Variants in DDX55 observed in about 807,000 individuals in gnomAD.
The protein encoded by DDX55 is ATP-dependent RNA helicase DDX55.
In DDX55, 56 loss-of-function variants were observed where a neutral mutation model predicts 69.2. That is an observed-to-expected ratio of 0.81 (90% confidence interval 0.65 to 1.01). The LOEUF (loss-of-function observed/expected upper bound fraction) is 1.01. Ranked by LOEUF, DDX55 falls within the 50% of genes least tolerant of loss-of-function variation. DDX55 has a pLI of 0.00. For synonymous variants in DDX55, 268 were observed against 273.1 expected (o/e 0.98, Z 0.18); for missense variants, 720 against 745.1 (o/e 0.97, Z 0.39).
intron 11 of DDX55, 124 bp downstream of exon 11, chr12:123,617,996 A>G: frequency 1.3e-6 from 1 of 770,166 alleles, no homozygotes; most frequent in Non-Finnish European, 2.1e-6. Flanking sequence ...TGGTGGTGGC[A>G]GTGGGGGGCC....
At chr12:123,616,881 C>T (rs1233103220) in intron 10 of DDX55, 10 of 357,794 alleles carry the variant, frequency 2.8e-5, no homozygotes, top group East Asian at 2.1e-4. Flanking sequence ...AGGCTGGGCG[C>T]GGTGGCTCAC....
chr12:123,605,787 C>T (rs1258267011), intron 1 of DDX55, 144 bp from the exon 2 acceptor site: 1 of 1,090,022 alleles, frequency 9.2e-7, no homozygotes, highest in Non-Finnish European at 1.4e-6. Context: ...GATTCAACTT[C>T]TCTATGGTGA....
rs555705518 is a variant in DDX55, at chr12:123,602,196, G to A, written c.48G>A (p.Leu16=). 6.4e-6 allele frequency: 10 copies of A among 1,572,438 alleles called. No homozygotes were observed. The highest frequency in any genetic ancestry group is 6.9e-6 in the Non-Finnish European group (8 of 1,161,078). The part of the protein sequence containing the change: ...EGSWESLPVP[L]HPQVLGALRE... ...CCTGGGAGTCGCTGCCTGTGCCGCT[G>A]CACCCGCAGGTGCTGGGCGCGCTGC... is the stretch of plus-strand genomic sequence containing the variant. The change falls in exon 1 of 14, where the codon CTG becomes CTA. Residue 16 remains leucine (L), a synonymous_variant. Transcript: ENST00000238146.
intron 1 of DDX55, among the ~76,000 whole-genome samples, chr12:123,603,580 C>G (rs765380399): frequency 6.6e-6 from 1 of 151,640 alleles, no homozygotes; most frequent in African/African-American, 2.4e-5. Flanking sequence ...TTAGTAGATA[C>G]GGGGTTTCAC....
chr12:123,618,667 A>C lies in DDX55; in HGVS notation c.1165-2A>C. 1 of 1,612,784 alleles carries C rather than the reference A, an allele frequency of 6.2e-7. No homozygotes were observed. The highest frequency in any genetic ancestry group is 8.5e-7 in the Non-Finnish European group (1 of 1,179,356). ...GAGAATGTGGTATGTGTGTGTGTGT[A>C]GTGCCCCCTGCAGGAGATGAAGCCC... On this transcript the variant is annotated splice_acceptor_variant, in intron 11 of 13. Transcript: ENST00000238146. LOFTEE classifies it high-confidence loss of function.
chr12:123,617,729 G>T (rs756958032), intron 10 of DDX55, 29 bp from the exon 11 acceptor site: 1 of 1,585,956 alleles, frequency 6.3e-7, no homozygotes, highest in Non-Finnish European at 8.6e-7. Context: ...CATCACCTGG[G>T]TACCCATTTC....
At chr12:123,605,770 C>CA in intron 1 of DDX55, 161 bp from the exon 2 acceptor site, 1 of 934,092 alleles carries the variant, frequency 1.1e-6, no homozygotes. Context: ...ACACAGTTGC[C>CA]ACGTTTGATT....
chr12:123,610,896 T>G lies in DDX55; in HGVS notation c.741+768T>G, dbSNP rs11612921. Among the ~76,000 whole-genome samples the G allele has an allele frequency of 3.4e-5, 5 of 148,706 alleles. No homozygotes were observed. The East Asian group carries it at 7.9e-4, about 23-fold the overall frequency. The stretch of plus-strand genomic sequence containing the variant: ...TGAGCCACCGCGCCCGGCCGTTTTT[T>G]TTTGTTTGTTTTTTTTTGTTTTGAG... On this transcript the variant is annotated intron_variant, in intron 7 of 13. Coordinates refer to ENST00000238146, the MANE Select transcript of DDX55 (RefSeq NM_020936.3).
At chr12:123,603,676 A>C (rs1482296026) in intron 1 of DDX55, among the ~76,000 whole-genome samples, 5 of 151,074 alleles carry the variant, frequency 3.3e-5, no homozygotes, top group African/African-American at 1.2e-4. Context: ...AGGCTGAGCT[A>C]CCGCACCCGG....
intron 2 of DDX55, 30 bp downstream of exon 2, chr12:123,606,011 C>T: frequency 6.2e-7 from 1 of 1,613,854 alleles, no homozygotes; most frequent in Non-Finnish European, 8.5e-7. Flanking sequence ...GCAGCCTGTC[C>T]TCGTGTTCTC....
chr12:123,608,708 C>T lies in DDX55; in HGVS notation c.430C>T (p.Arg144Cys), dbSNP rs753131316. 43 of 1,613,830 alleles carry T rather than the reference C, an allele frequency of 2.7e-5. No individual in the cohort carries two copies. Among genetic ancestry groups the T allele is most frequent in the Admixed American group, 3.3e-5 (2 of 59,996 alleles). Residue 144 changes from arginine (R) to cysteine (C), a missense_variant, in exon 6 of 14, where the codon CGC becomes TGC. Coordinates refer to ENST00000238146, the MANE Select transcript of DDX55 (RefSeq NM_020936.3). Reference sequence around the variant, plus strand: ...GAACATCATTGTGGCCACTCCAGGCCGCTTGGAGGACATGTTCCGGAGGAA... The same window carrying T: ...GAACATCATTGTGGCCACTCCAGGCTGCTTGGAGGACATGTTCCGGAGGAA... ...GGNIIVATPG[R>C]LEDMFRRKAE...
At position 123,617,813 on chromosome 12, in the gene DDX55, C is replaced by T. The variant is rs750432828; in HGVS notation, c.1105C>T (p.Leu369=). 6.8e-6 allele frequency: 11 copies of T among 1,614,110 alleles called. No individual in the cohort carries two copies. The South Asian group carries it at 1.2e-4, about 18-fold the overall frequency. Residue 369 remains leucine, a synonymous_variant, in exon 11 of 14, where the codon CTG becomes TTG. Transcript: ENST00000238146. Reference sequence around the variant, plus strand: ...TCGCATTGGCCACGGGGGCAGCGCTCTGGTGTTCCTCCTGCCCATGGAAGA... The same window carrying T: ...TCGCATTGGCCACGGGGGCAGCGCTTTGGTGTTCCTCCTGCCCATGGAAGA... ...TARIGHGGSA[L]VFLLPMEESY...
In DDX55 at chr12:123,620,627, T is replaced by TATA. The variant is rs1250251932; in HGVS notation, c.*488_*489insTAA. ...ATATATATATATATATATATATATATAAGCTCTTTTTTCTGAGGCTATTTT... is the reference window on the plus strand; with the variant it reads ...ATATATATATATATATATATATATATATAAAGCTCTTTTTTCTGAGGCTATTTT... On this transcript the variant is annotated 3_prime_UTR_variant, in exon 14 of 14. Coordinates refer to ENST00000238146, the MANE Select transcript of DDX55 (RefSeq NM_020936.3). 3 of 99,808 alleles carry TATA rather than the reference T, an allele frequency of 3.0e-5. No homozygotes were observed. Among genetic ancestry groups the TATA allele is most frequent in the East Asian group, 2.7e-4 (1 of 3,644 alleles). 6.2% of individuals were successfully genotyped at this position (99,808 alleles called of 1,614,324 possible). A position where few individuals can be genotyped will look rare whatever the true frequency, so the allele number is the denominator to read the frequency against.
chr12:123,616,011 CAAAA>C (rs1353193530), intron 9 of DDX55, among the ~76,000 whole-genome samples: 4 of 151,928 alleles, frequency 2.6e-5, no homozygotes, highest in Non-Finnish European at 4.4e-5. Flanking sequence ...AACAAAAAAA[CAAAA>C]AACTGTCTGT....
At chr12:123,616,313 C>T (rs1407210819) in intron 9 of DDX55, among the ~76,000 whole-genome samples, 198 bp from the exon 10 acceptor site, 2 of 152,086 alleles carry the variant, frequency 1.3e-5, no homozygotes, top group African/African-American at 4.8e-5. Context: ...TGTCTCTCAC[C>T]TCCCTCCAAT....
chr12:123,612,254 C>G (rs1161014055), intron 7 of DDX55, among the ~76,000 whole-genome samples: 3 of 152,102 alleles, frequency 2.0e-5, no homozygotes, highest in Admixed American at 2.0e-4. Context: ...TCCTAAGGAC[C>G]TTGGATGAGG....
chr12:123,610,310 A>G (rs1374719840), intron 7 of DDX55, among the ~76,000 whole-genome samples, 182 bp downstream of exon 7: 2 of 152,208 alleles, frequency 1.3e-5, no homozygotes, highest in African/African-American at 4.8e-5. Flanking sequence ...TAAATTGGAC[A>G]TAAATGTATT....
rs1372645678 is a variant in DDX55 at position 123,607,454 on chromosome 12, C to T, written c.269C>T (p.Pro90Leu). ...TAGGTTGGAGCCATAATCATCACCC[C>T]CACTCGAGAGCTGGCCATTCAAATA... is the stretch of plus-strand genomic sequence containing the variant. ...KSQVGAIIITPTRELAIQIDE... is the reference protein window; with the variant it reads ...KSQVGAIIITLTRELAIQIDE... Residue 90 changes from proline to leucine, a missense_variant, in exon 4 of 14, where the codon CCC becomes CTC. Coordinates refer to ENST00000238146, the MANE Select transcript of DDX55 (RefSeq NM_020936.3). The T allele has an allele frequency of 6.2e-7, 1 of 1,614,008 alleles. No individual in the cohort carries two copies. Among genetic ancestry groups the T allele is most frequent in the Non-Finnish European group, 8.5e-7 (1 of 1,180,036 alleles).
chr12:123,617,944 C>T, intron 11 of DDX55, 72 bp downstream of exon 11: 1 of 1,461,458 alleles, frequency 6.8e-7, no homozygotes, highest in African/African-American at 1.4e-5. Context: ...AGCATGTGGT[C>T]AGCAATTGAA....
Sources: allele counts gnomAD v4.1 joint callset (sites outside exome capture counted in the v4.1 genomes callset), GRCh38; gene constraint gnomAD v4.1.1; transcripts MANE v1.5; gene names NCBI Gene and HGNC (gene_info 2026-07-23, HGNC 2026-07-21).